Variants in CFAP44 observed in about 807,000 individuals in gnomAD.
CFAP44 encodes cilia- and flagella-associated protein 44.
In CFAP44, 134 loss-of-function variants were observed where a neutral mutation model predicts 216.2. The ratio of observed to expected loss-of-function variants is 0.62; its 90% CI spans 0.54 to 0.72. CFAP44 has a LOEUF of 0.72. Ranked by LOEUF, CFAP44 falls within the 30% of genes least tolerant of loss-of-function variation. CFAP44 has a pLI of 0.00. For synonymous variants in CFAP44, 700 were observed against 727.6 expected (o/e 0.96, Z 0.61); for missense variants, 2,035 against 2,182.1 (o/e 0.93, Z 1.34).
At chr3:113,334,632 C>A (rs1395727780) in intron 24 of CFAP44, among the ~76,000 whole-genome samples, 4 of 151,832 alleles carry the variant, frequency 2.6e-5, no homozygotes, top group Non-Finnish European at 5.9e-5. Context: ...GAATGGAATG[C>A]TAGATATATT....
intron 34 of CFAP44, 28 bp downstream of exon 34, chr3:113,294,658 GA>G: frequency 1.3e-6 from 2 of 1,491,088 alleles, no homozygotes; most frequent in Admixed American, 2.5e-5. Context: ...CCTCAATTCC[GA>G]AAAAGGGTCT....
intron 34 of CFAP44, chr3:113,293,999 C>G (rs768665667): frequency 2.2e-6 from 1 of 456,508 alleles, no homozygotes; most frequent in Non-Finnish European, 4.4e-6. Context: ...TTCAGAGGAC[C>G]AAACTGTTGG....
intron 8 of CFAP44, among the ~76,000 whole-genome samples, chr3:113,406,379 A>T (rs1473553492): frequency 6.6e-6 from 1 of 152,132 alleles, no homozygotes; most frequent in Admixed American, 6.5e-5. Flanking sequence ...AGTAACAAAT[A>T]TTTGGGAGGC....
chr3:113,438,404 C>T (rs78799853), intron 1 of CFAP44, among the ~76,000 whole-genome samples: 6,199 of 152,244 alleles, frequency 0.041, 150 homozygotes, highest in East Asian at 0.1. Context: ...TCATCCTCTT[C>T]CTGGTTGTGA....
intron 15 of CFAP44, among the ~76,000 whole-genome samples, chr3:113,389,895 C>T (rs1256435192): frequency 6.6e-6 from 1 of 151,978 alleles, no homozygotes; most frequent in Non-Finnish European, 1.5e-5. Context: ...AGCCTGGGAC[C>T]CAATGGCTTC....
intron 24 of CFAP44, among the ~76,000 whole-genome samples, chr3:113,341,303 G>A (rs1357923234): frequency 6.6e-6 from 1 of 152,050 alleles, no homozygotes; most frequent in African/African-American, 2.4e-5. Flanking sequence ...ATCATTTAAA[G>A]GGACCACTCC....
At position 113,305,029 on chromosome 3, in the gene CFAP44, G is replaced by C. The variant is rs779617428; in HGVS notation, c.4875+7C>G. 4.6e-6 allele frequency: 7 copies of C among 1,536,436 alleles called. No individual in the cohort carries two copies. In the South Asian group the frequency reaches 4.8e-5, roughly 10 times the overall value. On this transcript the variant is annotated splice_region_variant and intron_variant, in intron 31 of 34. Coordinates refer to ENST00000393845, the MANE Select transcript of CFAP44 (RefSeq NM_001164496.2). ...ACAGGATGGAGCAGCCTCCCCAGAC[G>C]CATCACCTGGTGGAGCTTGAGCGGA...
At chr3:113,294,567 G>T in intron 34 of CFAP44, 120 bp downstream of exon 34, 1 of 1,309,488 alleles carries the variant, frequency 7.6e-7, no homozygotes, top group Non-Finnish European at 1.0e-6. Flanking sequence ...CAGATGGTCT[G>T]GAAGTGGTCC....
intron 28 of CFAP44, among the ~76,000 whole-genome samples, chr3:113,318,529 C>T (rs1950110428): frequency 6.6e-6 from 1 of 152,084 alleles, no homozygotes; most frequent in Non-Finnish European, 1.5e-5. Context: ...AAAAATTTCC[C>T]TAATCTTATT....
chr3:113,379,337 T>A lies in CFAP44; in HGVS notation c.2267A>T (p.Tyr756Phe), dbSNP rs1253773461. 6.2e-7 allele frequency: 1 copy of A among 1,601,292 alleles called. No individual in the cohort carries two copies. Residue 756 changes from tyrosine to phenylalanine, a missense_variant, in exon 17 of 35, where the codon TAC becomes TTC. By Grantham distance (22) the Tyr-to-Phe change is conservative. Transcript: ENST00000393845. ...AACCCAGAACTTCCCTGGCTCTGAG[T>A]AAAATCCACAGAGGATGGGAGAGGG... ...STPSPILCGF[Y>F]SEPGKFWVSL... is the part of the protein sequence containing the mutation.
intron 17 of CFAP44, among the ~76,000 whole-genome samples, chr3:113,374,196 G>T (rs184407325): frequency 6.6e-6 from 1 of 151,874 alleles, no homozygotes. Context: ...CAGCAGACTA[G>T]ATTGTTTCAG....
intron 29 of CFAP44, among the ~76,000 whole-genome samples, chr3:113,306,636 T>C (rs1048640103): frequency 1.3e-5 from 2 of 152,224 alleles, no homozygotes; most frequent in African/African-American, 4.8e-5. Context: ...TATTCCCATA[T>C]ATAGGTGAAT....
intron 22 of CFAP44, among the ~76,000 whole-genome samples, chr3:113,348,202 G>T (rs564272350): frequency 5.3e-4 from 80 of 152,200 alleles, no homozygotes; most frequent in African/African-American, 1.9e-3. Context: ...CTTGGGTCGG[G>T]GGGAAGTAAA....
At position 113,379,442 on chromosome 3, in the gene CFAP44, T is replaced by A. The variant is rs1158439358; in HGVS notation, c.2162A>T (p.Glu721Val). ...AAEMGEDGEKEFQEEEEEKEE... is the reference protein window; with the variant it reads ...AAEMGEDGEKVFQEEEEEKEE... ...TTTCTCCTCTTCCTCCTCCTGAAAT[T>A]CTTTTTCTCCATCTTCTCCCATCTC... Residue 721 changes from glutamate to valine, a missense_variant, in exon 17 of 35, where the codon GAA (glutamate) becomes GTA (valine). Coordinates refer to ENST00000393845, the MANE Select transcript of CFAP44 (RefSeq NM_001164496.2). The A allele has an allele frequency of 1.9e-6, 3 of 1,612,954 alleles. No homozygotes were observed. Among genetic ancestry groups the A allele is most frequent in the Non-Finnish European group, 2.5e-6 (3 of 1,179,150 alleles).
chr3:113,326,324 G>A, intron 28 of CFAP44, 121 bp downstream of exon 28: 1 of 857,912 alleles, frequency 1.2e-6, no homozygotes, highest in East Asian at 2.9e-5. Flanking sequence ...AGCCCCCACA[G>A]TGTCTCTACA....
chr3:113,434,061 T>A lies in CFAP44; in HGVS notation c.-5-392A>T, dbSNP rs377567248. The stretch of plus-strand genomic sequence containing the variant: ...TGGAGTTACTAATCAATTTCAGTTT[T>A]TAAAATATTTTTTGAGCACACCTGC... On this transcript the variant is annotated intron_variant, in intron 1 of 34. Coordinates refer to ENST00000393845, the MANE Select transcript of CFAP44 (RefSeq NM_001164496.2). 5 of 171,158 alleles carry A rather than the reference T, an allele frequency of 2.9e-5. No individual in the cohort carries two copies. The East Asian group carries it at 7.4e-4, about 25-fold the overall frequency. The allele number at this position is 171,158 out of a possible 1,614,324, so 10.6% of individuals were successfully genotyped here.
intron 28 of CFAP44, among the ~76,000 whole-genome samples, chr3:113,321,630 CAAGAGGCTACT>C (rs982258627): frequency 6.6e-6 from 1 of 152,122 alleles, no homozygotes; most frequent in Non-Finnish European, 1.5e-5. Context: ...CAAAGATTGC[CAAGAGGCTACT>C]ACAACTGGTA....
chr3:113,386,659 C>T (rs1933657270), intron 15 of CFAP44, among the ~76,000 whole-genome samples: 1 of 152,154 alleles, frequency 6.6e-6, no homozygotes, highest in African/African-American at 2.4e-5. Context: ...GATTAGAAGC[C>T]TCCACCAATT....
chr3:113,308,109 CA>C (rs1290596741), intron 29 of CFAP44, 48 bp downstream of exon 29: 1 of 1,406,388 alleles, frequency 7.1e-7, no homozygotes, highest in Admixed American at 2.4e-5. Flanking sequence ...CCAGTATTGC[CA>C]ATCAATATTC....
Sources: gnomAD v4.1 joint callset for allele counts (sites outside exome capture counted in the v4.1 genomes callset) on GRCh38, gnomAD v4.1.1 for gene constraint, MANE v1.5 for transcripts, NCBI Gene and HGNC (gene_info 2026-07-23, HGNC 2026-07-21) for gene names.